The following SCX variants were observed in gnomAD, a reference collection of about 807,000 sequenced individuals.
SCX encodes basic helix-loop-helix transcription factor scleraxis.
Under a neutral mutation model 12.2 loss-of-function variants are expected in SCX, and 7 were observed. That is an observed-to-expected ratio of 0.57 (90% CI 0.33 to 1.08). SCX has a LOEUF of 1.08. Ranked by LOEUF, SCX falls within the 50% of genes least tolerant of loss-of-function variation. The probability of loss-of-function intolerance (pLI) is 0.04; values close to 1 mark genes in which losing one functional copy is unlikely to be tolerated. For synonymous variants in SCX, 193 were observed against 163.9 expected (o/e 1.18, Z -1.36); for missense variants, 342 against 337.2 (o/e 1.01, Z -0.11).
chr8:144,267,822 G>A (rs1242096790), intron 1 of SCX, among the ~76,000 whole-genome samples: 1 of 152,242 alleles, frequency 6.6e-6, no homozygotes, highest in Non-Finnish European at 1.5e-5. Context: ...AAAGCAGGGT[G>A]AGCAGGGAGA....
Position 144,266,699 on chromosome 8 carries a change from G to T in SCX, c.86G>T (p.Gly29Val). The T allele has an allele frequency of 8.1e-7, 1 of 1,230,870 alleles. No individual in the cohort carries two copies. The allele number at this position is 1,230,870 out of a possible 1,614,324, so 76.2% of individuals were successfully genotyped here. A position where few individuals can be genotyped will look rare whatever the true frequency, so the allele number is the denominator to read the frequency against. The change falls in exon 1 of 2, where the codon GGC (glycine) becomes GTC (valine). Residue 29 changes from glycine (G) to valine (V), a missense_variant. Coordinates refer to ENST00000567180, the MANE Select transcript of SCX (RefSeq NM_001080514.3). ...CCGCTGTCGGAGGACGAGGACCGCG[G>T]CAGCGACAGCTCGGGCTCCGACGAG... ...VSPLSEDEDR[G>V]SDSSGSDEKP...
In SCX at chr8:144,267,171, G is replaced by C. The variant is rs1377328884; in HGVS notation, c.558G>C (p.Gln186His). 2.0e-6 allele frequency: 3 copies of C among 1,528,996 alleles called. No homozygotes were observed. Among genetic ancestry groups the C allele is most frequent in the Non-Finnish European group, 1.7e-6 (2 of 1,148,966 alleles). The allele number at this position is 1,528,996 out of a possible 1,614,324, so 94.7% of individuals were successfully genotyped here. ...TCTGCACCTTCTGCCTCAGCAACCA[G>C]AGAAAGTTGGTGAGCACGGGCCGTG... ...KQICTFCLSN[Q>H]RKLSKDRDRK... The change falls in exon 1 of 2, where the codon CAG becomes CAC. Residue 186 changes from glutamine to histidine, a missense_variant. Transcript: ENST00000567180.
At chr8:144,267,580 G>A (rs929814024) in intron 1 of SCX, among the ~76,000 whole-genome samples, 14 of 152,376 alleles carry the variant, frequency 9.2e-5, no homozygotes, top group African/African-American at 3.1e-4. Flanking sequence ...AGGACCCCGG[G>A]TTCTTAGCCC....
In SCX at chr8:144,267,111, C is replaced by T. The variant is rs2130211245; in HGVS notation, c.498C>T (p.Pro166=). The part of the protein sequence containing the change: ...GSPPPPPPPP[P]ARDGENTQPK... ...CCCCGCCGCCGCCCCCGCCGCCTCC[C>T]GCCCGCGACGGCGAGAACACCCAGC... The change falls in exon 1 of 2, where the codon CCC becomes CCT. Residue 166 remains proline, a synonymous_variant. Transcript: ENST00000567180. 2 of 1,465,504 alleles carry T rather than the reference C, an allele frequency of 1.4e-6. No individual in the cohort carries two copies. Among genetic ancestry groups the T allele is most frequent in the South Asian group, 2.8e-5 (2 of 71,834 alleles). The allele number at this position is 1,465,504 out of a possible 1,614,324, so 90.8% of individuals were successfully genotyped here. A position where few individuals can be genotyped will look rare whatever the true frequency, so the allele number is the denominator to read the frequency against.
At position 144,267,057 on chromosome 8, in the gene SCX, C is replaced by G; in HGVS notation, c.444C>G (p.Ala148=). ...GACAGCCCTGCCACTCCGGGCCCGC[C>G]TTCTTCCACGCGGCGCGCGCCGGCA... ...GDGQPCHSGP[A]FFHAARAGSP... is the part of the protein sequence containing the mutation. The change falls in exon 1 of 2, where the codon GCC becomes GCG. Residue 148 remains alanine (A), a synonymous_variant. Transcript: ENST00000567180. The G allele has an allele frequency of 6.7e-7, 1 of 1,481,744 alleles. No homozygotes were observed. The allele number at this position is 1,481,744 out of a possible 1,614,324, so 91.8% of individuals were successfully genotyped here.
chr8:144,268,386 C>T lies in SCX; in HGVS notation c.*244C>T, dbSNP rs1206611721. ...ACTGGAACTTTCTGCGCTGGCTTTT[C>T]TTCCGGCCACTGTGTGATGGCATCT... On this transcript the variant is annotated 3_prime_UTR_variant, in exon 2 of 2. Transcript: ENST00000567180. 2.0e-5 allele frequency: 12 copies of T among 591,026 alleles called. No homozygotes were observed. The highest frequency in any genetic ancestry group is 4.5e-4 in the Middle Eastern group (1 of 2,238). The allele number at this position is 591,026 out of a possible 1,614,324, so 36.6% of individuals were successfully genotyped here. A position where few individuals can be genotyped will look rare whatever the true frequency, so the allele number is the denominator to read the frequency against.
In SCX at chr8:144,268,325, G is replaced by A. The variant is rs1056867659; in HGVS notation, c.*183G>A. ...GGACGTACAGACAGGCGCCGGCAGC[G>A]GGACTCTGCGCTGGCCCCAGCACCT... is the stretch of plus-strand genomic sequence containing the variant. On this transcript the variant is annotated 3_prime_UTR_variant, in exon 2 of 2. Coordinates refer to ENST00000567180, the MANE Select transcript of SCX (RefSeq NM_001080514.3). 1.9e-5 allele frequency: 16 copies of A among 827,028 alleles called. No individual in the cohort carries two copies. Among genetic ancestry groups the A allele is most frequent in the Admixed American group, 8.1e-5 (3 of 36,858 alleles). 51.2% of individuals were successfully genotyped at this position (827,028 alleles called of 1,614,324 possible).
Position 144,267,188 on chromosome 8 carries a change from C to T in SCX, c.567+8C>T. ...AGCAACCAGAGAAAGTTGGTGAGCA[C>T]GGGCCGTGGGGCGCCGAGGGGGGCC... On this transcript the variant is annotated splice_region_variant and intron_variant, in intron 1 of 1. Coordinates refer to ENST00000567180, the MANE Select transcript of SCX (RefSeq NM_001080514.3). 3 of 1,518,292 alleles carry T rather than the reference C, an allele frequency of 2.0e-6. No homozygotes were observed. Among genetic ancestry groups the T allele is most frequent in the South Asian group, 2.4e-5 (2 of 82,506 alleles). The allele number at this position is 1,518,292 out of a possible 1,614,324, so 94.1% of individuals were successfully genotyped here. A position where few individuals can be genotyped will look rare whatever the true frequency, so the allele number is the denominator to read the frequency against.
rs1845378539 is a variant in SCX, at chr8:144,266,777, G to A, written c.164G>A (p.Arg55Lys). ...ARCGLQGARR[R>K]AGGRRAGGGG... ...TGCGGCCTCCAGGGCGCCCGGCGGA[G>A]GGCGGGGGGCCGGCGGGCCGGGGGC... Residue 55 changes from arginine (R) to lysine (K), a missense_variant, in exon 1 of 2, where the codon AGG becomes AAG. This residue lies in a region of SCX where 139 missense variants were observed against 107.8 expected (regional missense o/e 1.29). Coordinates refer to ENST00000567180, the MANE Select transcript of SCX (RefSeq NM_001080514.3). 2.7e-6 allele frequency: 3 copies of A among 1,091,574 alleles called. No individual in the cohort carries two copies. The highest frequency in any genetic ancestry group is 3.4e-5 in the African/African-American group (2 of 58,988). 67.6% of individuals were successfully genotyped at this position (1,091,574 alleles called of 1,614,324 possible).
In SCX at chr8:144,268,274, G is replaced by A; in HGVS notation, c.*132G>A. On this transcript the variant is annotated 3_prime_UTR_variant, in exon 2 of 2. Coordinates refer to ENST00000567180, the MANE Select transcript of SCX (RefSeq NM_001080514.3). ...CAAGCATGCCCCCAGGCCAGCCCTGGCTGCGAGCGGGGCCGAGGGACAGAC... is the reference window on the plus strand; with the variant it reads ...CAAGCATGCCCCCAGGCCAGCCCTGACTGCGAGCGGGGCCGAGGGACAGAC... The A allele has an allele frequency of 7.4e-7, 1 of 1,358,402 alleles. No individual in the cohort carries two copies. Among genetic ancestry groups the A allele is most frequent in the Non-Finnish European group, 1.0e-6 (1 of 990,302 alleles). 84.1% of individuals were successfully genotyped at this position (1,358,402 alleles called of 1,614,324 possible). A position where few individuals can be genotyped will look rare whatever the true frequency, so the allele number is the denominator to read the frequency against.
rs1372255181 is a variant in SCX, at chr8:144,267,069, G to A, written c.456G>A (p.Ala152=). ...ACTCCGGGCCCGCCTTCTTCCACGC[G>A]GCGCGCGCCGGCAGCCCCCCGCCGC... ...PCHSGPAFFH[A]ARAGSPPPPP... is the part of the protein sequence containing the mutation. Residue 152 remains alanine (A), a synonymous_variant, in exon 1 of 2, where the codon GCG becomes GCA. Transcript: ENST00000567180. 2,872 of 1,408,894 alleles carry A rather than the reference G, an allele frequency of 2.0e-3. 55 individuals carry two copies. In the African/African-American group the frequency reaches 0.036, roughly 18 times the overall value. 87.3% of individuals were successfully genotyped at this position (1,408,894 alleles called of 1,614,324 possible).
In SCX at chr8:144,267,173, G is replaced by GA; in HGVS notation, c.563dup (p.Leu189ValfsTer112). 2.6e-6 allele frequency: 4 copies of GA among 1,528,406 alleles called. No individual in the cohort carries two copies. Among genetic ancestry groups the GA allele is most frequent in the Non-Finnish European group, 3.5e-6 (4 of 1,149,020 alleles). 94.7% of individuals were successfully genotyped at this position (1,528,406 alleles called of 1,614,324 possible). ...TGCACCTTCTGCCTCAGCAACCAGA[G>GA]AAAGTTGGTGAGCACGGGCCGTGGG... On this transcript the variant is annotated frameshift_variant, in exon 1 of 2. Coordinates refer to ENST00000567180, the MANE Select transcript of SCX (RefSeq NM_001080514.3). LOFTEE classifies it high-confidence loss of function.
At position 144,266,895 on chromosome 8, in the gene SCX, CT is replaced by C; in HGVS notation, c.284del (p.Phe95SerfsTer7). 6.6e-7 allele frequency: 1 copy of C among 1,525,010 alleles called. No homozygotes were observed. 94.5% of individuals were successfully genotyped at this position (1,525,010 alleles called of 1,614,324 possible). A position where few individuals can be genotyped will look rare whatever the true frequency, so the allele number is the denominator to read the frequency against. On this transcript the variant is annotated frameshift_variant, in exon 1 of 2. Transcript: ENST00000567180. LOFTEE classifies it high-confidence loss of function. Reference sequence around the variant, plus strand: ...ACCGCACCAACAGCGTGAACACGGCCTTCACGGCGCTGCGCACGCTGATCCC... The same window carrying C: ...ACCGCACCAACAGCGTGAACACGGCCTCACGGCGCTGCGCACGCTGATCCC... ...RDRTNSVNTA[F>X]TALRTLIPTE...
At chr8:144,267,279 C>T (rs933670124) in intron 1 of SCX, 99 bp downstream of exon 1, 18 of 1,336,788 alleles carry the variant, frequency 1.3e-5, no homozygotes, top group Non-Finnish European at 1.7e-5. Flanking sequence ...CAGGGCTCCC[C>T]AACAGGGCAC....
Position 144,266,564 on chromosome 8 carries a change from G to T in SCX, c.-50G>T. 5.0e-6 allele frequency: 5 copies of T among 1,006,476 alleles called. No individual in the cohort carries two copies. The highest frequency in any genetic ancestry group is 5.9e-6 in the Non-Finnish European group (5 of 845,298). The allele number at this position is 1,006,476 out of a possible 1,614,324, so 62.3% of individuals were successfully genotyped here. A position where few individuals can be genotyped will look rare whatever the true frequency, so the allele number is the denominator to read the frequency against. On this transcript the variant is annotated 5_prime_UTR_variant, in exon 1 of 2. Transcript: ENST00000567180. ...GCGAGGCCCGCGGCGGCCGCAGGAGGCGGCATGAGCAGCGCGCGACAGAGC... is the reference window on the plus strand; with the variant it reads ...GCGAGGCCCGCGGCGGCCGCAGGAGTCGGCATGAGCAGCGCGCGACAGAGC...
At position 144,268,050 on chromosome 8, in the gene SCX, G is replaced by A. The variant is rs958633910; in HGVS notation, c.568-54G>A. 1.2e-4 allele frequency: 183 copies of A among 1,548,924 alleles called. 1 individual carries two copies. The highest frequency in any genetic ancestry group is 2.0e-4 in the Middle Eastern group (1 of 5,044). On this transcript the variant is annotated intron_variant, in intron 1 of 1. Coordinates refer to ENST00000567180, the MANE Select transcript of SCX (RefSeq NM_001080514.3). The stretch of plus-strand genomic sequence containing the variant: ...CACCCAGCAGGGAGGCCAGAGAGGC[G>A]CAGACTGGCGCTGGGCTCTGCCGGG...
intron 1 of SCX, among the ~76,000 whole-genome samples, chr8:144,267,573 A>G (rs918484953): frequency 6.6e-6 from 1 of 152,106 alleles, no homozygotes; most frequent in African/African-American, 2.4e-5. Flanking sequence ...GAGAGGAAGG[A>G]CCCCGGGTTC....
intron 1 of SCX, 72 bp downstream of exon 1, chr8:144,267,252 A>G: frequency 7.0e-7 from 1 of 1,428,188 alleles, no homozygotes. Flanking sequence ...CAGGCAGAGG[A>G]GGCGAGGCCA....
rs1241860831 is a variant in SCX, at chr8:144,268,324, C to T, written c.*182C>T. The T allele has an allele frequency of 7.3e-6, 6 of 823,298 alleles. No homozygotes were observed. Among genetic ancestry groups the T allele is most frequent in the Middle Eastern group, 3.7e-4 (1 of 2,738 alleles). 51.0% of individuals were successfully genotyped at this position (823,298 alleles called of 1,614,324 possible). On this transcript the variant is annotated 3_prime_UTR_variant, in exon 2 of 2. Coordinates refer to ENST00000567180, the MANE Select transcript of SCX (RefSeq NM_001080514.3). ...CGGACGTACAGACAGGCGCCGGCAG[C>T]GGGACTCTGCGCTGGCCCCAGCACC...
Sources: allele counts gnomAD v4.1 joint callset (sites outside exome capture counted in the v4.1 genomes callset), GRCh38; gene constraint gnomAD v4.1.1; regional missense constraint gnomAD v4.1.1; transcripts MANE v1.5; gene names NCBI Gene and HGNC (gene_info 2026-07-23, HGNC 2026-07-21).